UNC80: variants seen among roughly 807,000 people sequenced by gnomAD.
The protein encoded by UNC80 is unc-80 subunit of NALCN channel complex, also known as protein unc-80 homolog.
UNC80 carries 164 observed loss-of-function variants against 384.6 expected under a neutral mutation model. That is an observed-to-expected ratio of 0.43 (90% CI 0.38 to 0.49). UNC80 has a LOEUF of 0.49. UNC80 is among the 20% of genes least tolerant of loss of function. The pLI is 0.00. For synonymous variants in UNC80, 1,486 were observed against 1,527.8 expected (o/e 0.97, Z 0.64); for missense variants, 3,330 against 4,143.0 (o/e 0.80, Z 5.39).
chr2:209,771,886 G>T lies in UNC80; in HGVS notation c.-187G>T, dbSNP rs1196332436. ...GCTCCTCCAGCCCTCCCCTCCTCCC[G>T]CAGCCATGTTCCACGCGCGGGGAGG... On this transcript the variant is annotated 5_prime_UTR_variant, in exon 1 of 65. Transcript: ENST00000673920. 1.9e-5 allele frequency: 11 copies of T among 585,944 alleles called. 1 individual carries two copies. The East Asian group carries it at 3.6e-4, about 19-fold the overall frequency. 36.3% of individuals were successfully genotyped at this position (585,944 alleles called of 1,614,324 possible).
In UNC80 at chr2:209,970,113, C is replaced by T. The variant is rs2092840224; in HGVS notation, c.8130+222C>T. 2.8e-5 allele frequency: 15 copies of T among 529,546 alleles called. 1 individual carries two copies. In the South Asian group the frequency reaches 4.3e-4, roughly 15 times the overall value. 32.8% of individuals were successfully genotyped at this position (529,546 alleles called of 1,614,324 possible). On this transcript the variant is annotated intron_variant, in intron 53 of 64. Transcript: ENST00000673920. ...AGAAGGGATTTTGGTGTGCTGCTTC[C>T]CATGCACTACTTTGACAATTCACCT...
intron 47 of UNC80, among the ~76,000 whole-genome samples, chr2:209,953,808 A>G (rs1261143524): frequency 6.6e-6 from 1 of 152,210 alleles, no homozygotes; most frequent in African/African-American, 2.4e-5. Flanking sequence ...AGCTCCACCT[A>G]TTATCATTCT....
chr2:209,985,149 T>TA (rs1417920162), intron 61 of UNC80, among the ~76,000 whole-genome samples: 1 of 152,174 alleles, frequency 6.6e-6, no homozygotes, highest in Non-Finnish European at 1.5e-5. Flanking sequence ...AAGCTTACTT[T>TA]AAAAAAATTA....
intron 5 of UNC80, among the ~76,000 whole-genome samples, chr2:209,786,970 T>C (rs1007047278): frequency 7.5e-6 from 1 of 132,968 alleles, no homozygotes; most frequent in African/African-American, 2.8e-5. Flanking sequence ...ATGTGGAAAA[T>C]CTACAGAAGC....
intron 7 of UNC80, among the ~76,000 whole-genome samples, chr2:209,807,334 T>C (rs2078963805): frequency 6.6e-6 from 1 of 151,774 alleles, no homozygotes; most frequent in Non-Finnish European, 1.5e-5. Context: ...AACTTTTCTA[T>C]CACATGATCT....
chr2:209,776,347 C>T (rs146302250), intron 3 of UNC80, among the ~76,000 whole-genome samples: 226 of 152,154 alleles, frequency 1.5e-3, no homozygotes, highest in Non-Finnish European at 2.4e-3. Context: ...TTTGGGAGGC[C>T]GAGGCAGGCT....
intron 29 of UNC80, 55 bp from the exon 30 acceptor site, chr2:209,912,505 T>G: frequency 7.9e-7 from 1 of 1,272,330 alleles, no homozygotes; most frequent in Non-Finnish European, 1.1e-6. Context: ...CATATAGCAC[T>G]GTTGGGTTTT....
chr2:209,939,734 A>G (rs903427430), intron 43 of UNC80, 82 bp downstream of exon 43: 3 of 1,297,136 alleles, frequency 2.3e-6, no homozygotes, highest in African/African-American at 3.0e-5. Context: ...TTATTATTAT[A>G]CTTTAAGTTT....
chr2:209,901,055 T>C (rs1232998750), intron 28 of UNC80, among the ~76,000 whole-genome samples: 2 of 152,208 alleles, frequency 1.3e-5, no homozygotes, highest in African/African-American at 2.4e-5. Context: ...AAGCAGCAAG[T>C]ACTGATGTAG....
At position 209,933,842 on chromosome 2, in the gene UNC80, T is replaced by C; in HGVS notation, c.6015T>C (p.Phe2005=). 1 of 1,551,092 alleles carries C rather than the reference T, an allele frequency of 6.4e-7. No homozygotes were observed. The highest frequency in any genetic ancestry group is 8.7e-7 in the Non-Finnish European group (1 of 1,146,678). The change falls in exon 39 of 65, where the codon TTT becomes TTC. Residue 2005 remains phenylalanine (F), a synonymous_variant. Coordinates refer to ENST00000673920, the MANE Select transcript of UNC80 (RefSeq NM_001371986.1). ...TCTAGGTAGGATTAATCATGTACTTTGTGCGGACCCCCTGCGAGTGGGGGA... is the reference window on the plus strand; with the variant it reads ...TCTAGGTAGGATTAATCATGTACTTCGTGCGGACCCCCTGCGAGTGGGGGA... ...FNYLVGLIMY[F]VRTPCEWGMD... is the part of the protein sequence containing the mutation.
In UNC80 at chr2:209,831,573, G is replaced by T; in HGVS notation, c.2757G>T (p.Leu919Phe). 1 of 1,546,538 alleles carries T rather than the reference G, an allele frequency of 6.5e-7. No individual in the cohort carries two copies. The highest frequency in any genetic ancestry group is 2.5e-5 in the East Asian group (1 of 40,688). ...ITRCASTTHE[L>F]HSPENLGLYC... ...GCTGCGCTTCAACCACACATGAATT[G>T]CACAGCCCTGAGAATCTGGTGAGAA... The change falls in exon 16 of 65, where the codon TTG becomes TTT. Residue 919 changes from leucine (L) to phenylalanine (F), a missense_variant. This residue lies in a region of UNC80 where 937 missense variants were observed against 1,026.8 expected (regional missense o/e 0.91). Transcript: ENST00000673920.
intron 51 of UNC80, among the ~76,000 whole-genome samples, chr2:209,960,502 CA>C (rs2092556329): frequency 6.6e-6 from 1 of 152,088 alleles, no homozygotes; most frequent in Non-Finnish European, 1.5e-5. Context: ...TCATGGGTAA[CA>C]AAAGATTCAC....
chr2:209,970,479 C>T (rs1042146927), intron 53 of UNC80, among the ~76,000 whole-genome samples: 2 of 152,182 alleles, frequency 1.3e-5, no homozygotes, highest in Admixed American at 6.5e-5. Flanking sequence ...AGAGCTGTTG[C>T]CATCATCATT....
In UNC80 at chr2:209,931,061, T is replaced by C. The variant is rs537933396; in HGVS notation, c.5994+7T>C. 5.2e-6 allele frequency: 8 copies of C among 1,537,544 alleles called. No homozygotes were observed. The East Asian group carries it at 1.5e-4, about 28-fold the overall frequency. ...CATCCTATTCAACTATTTGGTGAGT[T>C]ATAAATGTTCATTTCCAATTACGAA... is the stretch of plus-strand genomic sequence containing the variant. On this transcript the variant is annotated splice_region_variant and intron_variant, in intron 38 of 64. Coordinates refer to ENST00000673920, the MANE Select transcript of UNC80 (RefSeq NM_001371986.1).
chr2:209,894,433 A>C (rs749888422), intron 27 of UNC80, 67 bp downstream of exon 27: 105 of 883,802 alleles, frequency 1.2e-4, no homozygotes, highest in Non-Finnish European at 1.4e-4. Flanking sequence ...GTCCCAAAAG[A>C]GCTGAAGTCC....
chr2:209,821,805 A>C (rs770676782), intron 13 of UNC80, among the ~76,000 whole-genome samples: 21 of 152,344 alleles, frequency 1.4e-4, no homozygotes, highest in Middle Eastern at 3.4e-3. Context: ...AATGATATTC[A>C]GAAATTGAAA....
chr2:209,866,503 C>CAT (rs2083803611), intron 22 of UNC80, among the ~76,000 whole-genome samples: 1 of 129,288 alleles, frequency 7.7e-6, no homozygotes, highest in East Asian at 2.4e-4. Flanking sequence ...CACACACACA[C>CAT]ACACACACAC....
intron 50 of UNC80, 50 bp downstream of exon 50, chr2:209,959,204 G>T: frequency 6.5e-7 from 1 of 1,536,882 alleles, no homozygotes; most frequent in South Asian, 1.2e-5. Flanking sequence ...ATCTTGAGAT[G>T]ATTGCCTTTT....
chr2:209,866,529 C>CAGAGAGAG (rs765928807), intron 22 of UNC80, among the ~76,000 whole-genome samples: 41 of 126,588 alleles, frequency 3.2e-4, no homozygotes, highest in Non-Finnish European at 5.4e-4. Flanking sequence ...CACACACACA[C>CAGAGAGAG]ACACAGAGAG....
Sources: gnomAD v4.1 joint callset for allele counts (sites outside exome capture counted in the v4.1 genomes callset) on GRCh38, gnomAD v4.1.1 for gene constraint, gnomAD v4.1.1 regional missense constraint, MANE v1.5 for transcripts, NCBI Gene and HGNC (gene_info 2026-07-23, HGNC 2026-07-21) for gene names.